The following BBX variants were observed in gnomAD, a reference collection of about 807,000 sequenced individuals.
The protein encoded by BBX is HMG box transcription factor BBX.
BBX carries 30 observed loss-of-function variants against 100.2 expected under a neutral mutation model. The observed-to-expected ratio is 0.30, with a 90% CI of 0.22 to 0.41. BBX has a LOEUF of 0.41. Ranked by LOEUF, BBX falls within the 10% of genes least tolerant of loss-of-function variation. BBX has a pLI of 1.00. For synonymous variants in BBX, 376 were observed against 388.1 expected (o/e 0.97, Z 0.37); for missense variants, 1,023 against 1,129.8 (o/e 0.91, Z 1.35).
In BBX at chr3:107,805,647, C is replaced by A; in HGVS notation, c.*190C>A. On this transcript the variant is annotated 3_prime_UTR_variant, in exon 18 of 18. Coordinates refer to ENST00000325805, the MANE Select transcript of BBX (RefSeq NM_001142568.3). ...AGTTTGTTCTCTCAGAACCCAGAAT[C>A]TTTGAGGGTAAGGTTATCTGTCTGA... 9.3e-7 allele frequency: 1 copy of A among 1,077,408 alleles called. No homozygotes were observed. The highest frequency in any genetic ancestry group is 1.3e-6 in the Non-Finnish European group (1 of 760,576). 66.7% of individuals were successfully genotyped at this position (1,077,408 alleles called of 1,614,324 possible). A position where few individuals can be genotyped will look rare whatever the true frequency, so the allele number is the denominator to read the frequency against.
intron 10 of BBX, among the ~76,000 whole-genome samples, chr3:107,764,592 T>A (rs1440994057): frequency 6.6e-6 from 1 of 152,256 alleles, no homozygotes; most frequent in Non-Finnish European, 1.5e-5. Flanking sequence ...TTAACTTCTT[T>A]GAATGCAGTC....
chr3:107,660,980 T>G (rs1467407253), intron 3 of BBX, among the ~76,000 whole-genome samples: 1 of 152,166 alleles, frequency 6.6e-6, no homozygotes, highest in African/African-American at 2.4e-5. Flanking sequence ...GAACATCAGT[T>G]TATCTTTCCA....
intron 3 of BBX, among the ~76,000 whole-genome samples, chr3:107,685,593 A>G (rs1196601990): frequency 2.6e-5 from 4 of 152,214 alleles, no homozygotes; most frequent in African/African-American, 9.6e-5. Flanking sequence ...GCCATGAGTA[A>G]TGGACCTTGA....
rs1365646619 is a variant in BBX, at chr3:107,672,005, A to G, written c.-10+26096A>G. ...TAAACACCAAATTTTAATCGTTGAT[A>G]AAATGAATTTTTGAAGTTTTGATAT... On this transcript the variant is annotated intron_variant, in intron 3 of 17. Transcript: ENST00000325805. Among the ~76,000 whole-genome samples the G allele has an allele frequency of 1.1e-4, 16 of 152,094 alleles. 1 individual carries two copies. The highest frequency in any genetic ancestry group is 9.8e-4 in the Admixed American group (15 of 15,258).
chr3:107,675,053 G>A (rs1309920576), intron 3 of BBX, among the ~76,000 whole-genome samples: 1 of 152,126 alleles, frequency 6.6e-6, no homozygotes, highest in African/African-American at 2.4e-5. Context: ...TATGGTTTAT[G>A]AATTGTAAGA....
chr3:107,673,297 T>G (rs568778305), intron 3 of BBX, among the ~76,000 whole-genome samples: 7 of 152,076 alleles, frequency 4.6e-5, no homozygotes, highest in Non-Finnish European at 4.4e-5. Context: ...TGGGGTGTAA[T>G]GACAATTAGA....
chr3:107,768,382 T>C (rs906336793), intron 10 of BBX, among the ~76,000 whole-genome samples: 63 of 152,294 alleles, frequency 4.1e-4, no homozygotes, highest in Admixed American at 2.0e-3. Context: ...TTCAAATGGA[T>C]TAGAAAAAAC....
intron 2 of BBX, among the ~76,000 whole-genome samples, chr3:107,635,798 C>T (rs890926329): frequency 2.0e-5 from 3 of 151,498 alleles, no homozygotes; most frequent in Non-Finnish European, 2.9e-5. Context: ...CTGCAAGCTC[C>T]GCCTCCTGGT....
chr3:107,660,337 T>C (rs1412837524), intron 3 of BBX, among the ~76,000 whole-genome samples: 4 of 152,036 alleles, frequency 2.6e-5, no homozygotes, highest in Non-Finnish European at 4.4e-5. Flanking sequence ...TTTGCAATAC[T>C]TGGGTGGCCT....
intron 2 of BBX, among the ~76,000 whole-genome samples, chr3:107,628,866 T>A (rs959209725): frequency 6.6e-5 from 10 of 152,182 alleles, no homozygotes; most frequent in Admixed American, 6.5e-4. Flanking sequence ...ACTCCATGTA[T>A]TAGTACCCGA....
intron 10 of BBX, among the ~76,000 whole-genome samples, chr3:107,759,497 T>C (rs189974593): frequency 1.6e-3 from 247 of 152,288 alleles, no homozygotes; most frequent in South Asian, 6.2e-3. Flanking sequence ...GAGATCATTG[T>C]GTATTATAGT....
At chr3:107,690,219 T>A (rs2060073565) in intron 3 of BBX, among the ~76,000 whole-genome samples, 1 of 152,210 alleles carries the variant, frequency 6.6e-6, no homozygotes, top group South Asian at 2.1e-4. Context: ...TAATCTATCT[T>A]TGAAAAAAAC....
intron 3 of BBX, among the ~76,000 whole-genome samples, chr3:107,676,832 G>C (rs922150768): frequency 4.6e-5 from 7 of 152,062 alleles, no homozygotes; most frequent in African/African-American, 1.7e-4. Context: ...TTTTCATGCA[G>C]AATAGCTTTT....
intron 1 of BBX, chr3:107,524,113 T>C (rs2047569573): frequency 6.6e-6 from 1 of 152,424 alleles, no homozygotes; most frequent in Non-Finnish European, 1.5e-5. Context: ...TGTCAATAAG[T>C]TTAAGGTGGA....
intron 3 of BBX, among the ~76,000 whole-genome samples, chr3:107,703,500 T>C (rs891711804): frequency 6.6e-6 from 1 of 152,164 alleles, no homozygotes; most frequent in African/African-American, 2.4e-5. Context: ...CATATTTCTT[T>C]ATGAGTTAAA....
chr3:107,738,618 C>T (rs2063833499), intron 7 of BBX, among the ~76,000 whole-genome samples: 1 of 152,196 alleles, frequency 6.6e-6, no homozygotes, highest in South Asian at 2.1e-4. Context: ...GGGATTCCAA[C>T]GCCGGAGGAC....
chr3:107,799,154 A>C (rs1341879948), intron 16 of BBX, among the ~76,000 whole-genome samples: 1 of 151,994 alleles, frequency 6.6e-6, no homozygotes, highest in Middle Eastern at 3.2e-3. Context: ...TGTCTCAAAA[A>C]AAAAAACAAC....
intron 2 of BBX, among the ~76,000 whole-genome samples, chr3:107,560,232 G>A (rs2107470271): frequency 6.6e-6 from 1 of 151,574 alleles, no homozygotes; most frequent in South Asian, 2.1e-4. Context: ...ACAAACCTCT[G>A]GGATGGGTGA....
chr3:107,635,058 A>G (rs991433123), intron 2 of BBX, among the ~76,000 whole-genome samples: 1 of 152,234 alleles, frequency 6.6e-6, no homozygotes, highest in African/African-American at 2.4e-5. Flanking sequence ...TCTAGTGAAG[A>G]AAATAATTAT....
Sources: allele counts gnomAD v4.1 joint callset (sites outside exome capture counted in the v4.1 genomes callset), GRCh38; gene constraint gnomAD v4.1.1; transcripts MANE v1.5; gene names NCBI Gene and HGNC (gene_info 2026-07-23, HGNC 2026-07-21).